The following ADAMTSL4 variants were observed in gnomAD, a reference collection of about 807,000 sequenced individuals.
ADAMTSL4 encodes the protein ADAMTS-like protein 4.
ADAMTSL4 carries 97 observed loss-of-function variants against 122.8 expected under a neutral mutation model. The observed-to-expected ratio is 0.79, with a 90% confidence interval of 0.67 to 0.93. ADAMTSL4 has a LOEUF of 0.93. Among genes scored for constraint, ADAMTSL4 ranks in the 40% least tolerant of loss-of-function variants. The pLI is 0.00. For missense variants in ADAMTSL4, 1,408 were observed against 1,453.5 expected (o/e 0.97, Z 0.51); for synonymous variants, 592 against 568.0 (o/e 1.04, Z -0.60).
chr1:150,554,647 C>T lies in ADAMTSL4; in HGVS notation c.1234+180C>T. On this transcript the variant is annotated intron_variant, in intron 7 of 18. Transcript: ENST00000271643. This position sits in a 1 kb window ranked among gnomAD's most constrained non-coding sequence, Gnocchi z 4.0. ...GACAGCACAGGTGGTGAGTGGTCTG[C>T]AGAAGGGTCGGGGTGGGAGGAGGAG... is the stretch of plus-strand genomic sequence containing the variant. 6.5e-7 allele frequency: 1 copy of T among 1,540,062 alleles called. No homozygotes were observed. Among genetic ancestry groups the T allele is most frequent in the East Asian group, 2.4e-5 (1 of 40,894 alleles).
intron 14 of ADAMTSL4, 99 bp from the exon 15 acceptor site, chr1:150,558,374 T>G (rs72700824): frequency 1.9e-5 from 30 of 1,578,894 alleles, no homozygotes; most frequent in Non-Finnish European, 2.6e-5. Flanking sequence ...ACTGCTGGGC[T>G]GGGGATCGAA....
At position 150,559,752 on chromosome 1, in the gene ADAMTSL4, T is replaced by C; in HGVS notation, c.2944-9T>C. On this transcript the variant is annotated splice_polypyrimidine_tract_variant and intron_variant, in intron 17 of 18. Transcript: ENST00000271643. The surrounding 1 kb of genome is among the most constrained non-coding windows in gnomAD (Gnocchi z 4.1). ...CAAAGGTCTGATATGATGGCTGGGGTCGCCCCAGTGTTCTCGCTCCTGCCA... is the reference window on the plus strand; with the variant it reads ...CAAAGGTCTGATATGATGGCTGGGGCCGCCCCAGTGTTCTCGCTCCTGCCA... The C allele has an allele frequency of 6.2e-7, 1 of 1,613,290 alleles. No homozygotes were observed. Among genetic ancestry groups the C allele is most frequent in the Non-Finnish European group, 8.5e-7 (1 of 1,179,876 alleles).
chr1:150,560,312 A>G lies in ADAMTSL4; in HGVS notation c.*116A>G. 6.8e-7 allele frequency: 1 copy of G among 1,476,892 alleles called. No homozygotes were observed. The highest frequency in any genetic ancestry group is 9.1e-7 in the Non-Finnish European group (1 of 1,096,242). The allele number at this position is 1,476,892 out of a possible 1,614,324, so 91.5% of individuals were successfully genotyped here. On this transcript the variant is annotated 3_prime_UTR_variant, in exon 19 of 19. Transcript: ENST00000271643. ...CCCAGTCTCAGCAGGGATGTCCTCCAGGTGACAGAGGGTGGCAAGGTGACT... is the reference window on the plus strand; with the variant it reads ...CCCAGTCTCAGCAGGGATGTCCTCCGGGTGACAGAGGGTGGCAAGGTGACT...
At chr1:150,550,531 A>C (rs1671298971) in intron 2 of ADAMTSL4, 1 of 363,876 alleles carries the variant, frequency 2.7e-6, no homozygotes, top group African/African-American at 2.1e-5. Flanking sequence ...GGCAGAGAGA[A>C]GCAGAGGCAG....
At chr1:150,555,814 C>T (rs1021025892) in intron 8 of ADAMTSL4, 3 of 628,810 alleles carry the variant, frequency 4.8e-6, no homozygotes. Context: ...TGAACACATG[C>T]ACACACACGT....
At chr1:150,550,166 G>T in intron 2 of ADAMTSL4, 1 of 454,034 alleles carries the variant, frequency 2.2e-6, no homozygotes, top group South Asian at 1.6e-5. Flanking sequence ...GCCAGGAGGA[G>T]CCCGCGTTTG....
chr1:150,553,664 T>TC lies in ADAMTSL4; in HGVS notation c.679dup (p.Gln227ProfsTer8), dbSNP rs768188442. On this transcript the variant is annotated frameshift_variant, in exon 6 of 19. Transcript: ENST00000271643. LOFTEE classifies it high-confidence loss of function. Reference sequence around the variant, plus strand: ...CACAGAACTGTCTGTCCACACCCCATCCCCCCAAGCAGAACCTCTAAGCCC... The same window carrying TC: ...CACAGAACTGTCTGTCCACACCCCATCCCCCCCAAGCAGAACCTCTAAGCCC... The TC allele has an allele frequency of 6.3e-7, 1 of 1,586,554 alleles. No individual in the cohort carries two copies. Among genetic ancestry groups the TC allele is most frequent in the Non-Finnish European group, 8.6e-7 (1 of 1,166,888 alleles).
Position 150,553,201 on chromosome 1 carries a change from C to A in ADAMTSL4, c.382C>A (p.Pro128Thr). ...SRGRGGPLRG[P>T]ASHLGREETQ... ...GGGAAGGGGTGGCCCACTTCGAGGT[C>A]CCGCTTCCCACCTAGGGAGAGAGGA... The change falls in exon 5 of 19, where the codon CCC (proline) becomes ACC (threonine). Residue 128 changes from proline to threonine, a missense_variant. By Grantham distance (38) the Pro-to-Thr change is conservative (BLOSUM62 -1). Coordinates refer to ENST00000271643, the MANE Select transcript of ADAMTSL4 (RefSeq NM_019032.6). 6.2e-7 allele frequency: 1 copy of A among 1,606,636 alleles called. No homozygotes were observed. The highest frequency in any genetic ancestry group is 8.5e-7 in the Non-Finnish European group (1 of 1,176,236).
Position 150,554,261 on chromosome 1 carries a change from A to G in ADAMTSL4, c.1132-104A>G, listed in dbSNP as rs1205154648. ...GACCACCTCAGGGCAGGGGTCTTGGAGCTCTTCCGCTGACCTGAGCCTCCC... is the reference window on the plus strand; with the variant it reads ...GACCACCTCAGGGCAGGGGTCTTGGGGCTCTTCCGCTGACCTGAGCCTCCC... On this transcript the variant is annotated intron_variant, in intron 6 of 18. Coordinates refer to ENST00000271643, the MANE Select transcript of ADAMTSL4 (RefSeq NM_019032.6). This position sits in a 1 kb window ranked among gnomAD's most constrained non-coding sequence, Gnocchi z 4.0. The G allele has an allele frequency of 6.9e-7, 1 of 1,441,530 alleles. No individual in the cohort carries two copies. Among genetic ancestry groups the G allele is most frequent in the African/African-American group, 1.4e-5 (1 of 71,298 alleles). The allele number at this position is 1,441,530 out of a possible 1,614,324, so 89.3% of individuals were successfully genotyped here.
In ADAMTSL4 at chr1:150,554,956, T is replaced by C. The variant is rs1187426128; in HGVS notation, c.1235-473T>C. On this transcript the variant is annotated intron_variant, in intron 7 of 18. Transcript: ENST00000271643. This position sits in a 1 kb window ranked among gnomAD's most constrained non-coding sequence, Gnocchi z 4.0. ...CTCCTCTCTCAGTTCAGAGTCCCCTTGATGGTCTCGGTGACCTCAACTGAC... is the reference window on the plus strand; with the variant it reads ...CTCCTCTCTCAGTTCAGAGTCCCCTCGATGGTCTCGGTGACCTCAACTGAC... Among the ~76,000 whole-genome samples, 1 of 151,356 alleles carries C rather than the reference T, an allele frequency of 6.6e-6. No homozygotes were observed. The highest frequency in any genetic ancestry group is 1.5e-5 in the Non-Finnish European group (1 of 67,890).
chr1:150,558,212 G>T, intron 14 of ADAMTSL4, 63 bp downstream of exon 14: 1 of 1,601,118 alleles, frequency 6.2e-7, no homozygotes, highest in Non-Finnish European at 8.5e-7. Context: ...CAACAGCAGT[G>T]GTTTTTCAAC....
Position 150,553,658 on chromosome 1 carries a change from A to T in ADAMTSL4, c.667A>T (p.Thr223Ser), listed in dbSNP as rs147803174. Residue 223 changes from threonine (T) to serine (S), a missense_variant, in exon 6 of 19, where the codon ACC becomes TCC. Coordinates refer to ENST00000271643, the MANE Select transcript of ADAMTSL4 (RefSeq NM_019032.6). Reference sequence around the variant, plus strand: ...CCCTCCCACAGAACTGTCTGTCCACACCCCATCCCCCCAAGCAGAACCTCT... The same window carrying T: ...CCCTCCCACAGAACTGTCTGTCCACTCCCCATCCCCCCAAGCAGAACCTCT... ...ELPPTELSVH[T>S]PSPQAEPLSP... 3.6e-4 allele frequency: 573 copies of T among 1,612,530 alleles called. No individual in the cohort carries two copies. The highest frequency in any genetic ancestry group is 4.4e-4 in the Non-Finnish European group (524 of 1,179,676).
rs768254527 is a variant in ADAMTSL4 at position 150,556,408 on chromosome 1, C to T, written c.1576+42C>T. Reference sequence around the variant, plus strand: ...CTCCCCTTCCACTTCCGTCTCTGTTCGGCCCTCCATACCCCTACTCAGAGC... The same window carrying T: ...CTCCCCTTCCACTTCCGTCTCTGTTTGGCCCTCCATACCCCTACTCAGAGC... On this transcript the variant is annotated intron_variant, in intron 9 of 18. Coordinates refer to ENST00000271643, the MANE Select transcript of ADAMTSL4 (RefSeq NM_019032.6). This position sits in a 1 kb window ranked among gnomAD's most constrained non-coding sequence, Gnocchi z 4.1. 23 of 1,610,492 alleles carry T rather than the reference C, an allele frequency of 1.4e-5. No individual in the cohort carries two copies. Among genetic ancestry groups the T allele is most frequent in the Middle Eastern group, 1.6e-4 (1 of 6,076 alleles).
Position 150,552,872 on chromosome 1 carries a change from T to C in ADAMTSL4, c.79-26T>C, listed in dbSNP as rs1671566923. Reference sequence around the variant, plus strand: ...GACAGTTCCCTCTAATCCTTCCAATTCTGTCTGACCTTTTTCTCTATATAG... The same window carrying C: ...GACAGTTCCCTCTAATCCTTCCAATCCTGTCTGACCTTTTTCTCTATATAG... On this transcript the variant is annotated intron_variant, in intron 4 of 18. Transcript: ENST00000271643. This position sits in a 1 kb window ranked among gnomAD's most constrained non-coding sequence, Gnocchi z 4.0. 6.2e-7 allele frequency: 1 copy of C among 1,605,274 alleles called. No individual in the cohort carries two copies. The highest frequency in any genetic ancestry group is 1.3e-5 in the African/African-American group (1 of 74,894).
intron 2 of ADAMTSL4, chr1:150,550,260 G>A (rs370125254): frequency 2.4e-5 from 11 of 456,400 alleles, no homozygotes; most frequent in African/African-American, 6.0e-5. Context: ...GACACCAAAT[G>A]AGGGACATGG....
rs772032770 is a variant in ADAMTSL4, at chr1:150,557,249, C to T, written c.1961C>T (p.Pro654Leu). The change falls in exon 12 of 19, where the codon CCG (proline) becomes CTG (leucine). Residue 654 changes from proline (P) to leucine (L), a missense_variant. Coordinates refer to ENST00000271643, the MANE Select transcript of ADAMTSL4 (RefSeq NM_019032.6). ...RQVRIPQMPAPPHPRTPLGSP... is the reference protein window; with the variant it reads ...RQVRIPQMPALPHPRTPLGSP... Reference sequence around the variant, plus strand: ...GTGCGGATCCCCCAGATGCCCGCCCCGCCCCATCCCAGGACACCCCTGGGG... The same window carrying T: ...GTGCGGATCCCCCAGATGCCCGCCCTGCCCCATCCCAGGACACCCCTGGGG... 1.2e-5 allele frequency: 19 copies of T among 1,611,320 alleles called. No homozygotes were observed. The highest frequency in any genetic ancestry group is 6.7e-5 in the African/African-American group (5 of 74,864).
intron 2 of ADAMTSL4, chr1:150,550,697 A>T: frequency 2.2e-6 from 1 of 454,916 alleles, no homozygotes; most frequent in South Asian, 1.6e-5. Flanking sequence ...TCCCCCGTTC[A>T]GTCAGGGTGG....
Position 150,553,533 on chromosome 1 carries a change from C to G in ADAMTSL4, c.542C>G (p.Ser181Cys). 6.2e-7 allele frequency: 1 copy of G among 1,613,964 alleles called. No homozygotes were observed. Among genetic ancestry groups the G allele is most frequent in the Non-Finnish European group, 8.5e-7 (1 of 1,179,966 alleles). ...NRRHPRSPPR[S>C]ELSLISSRGE... ...AGGCACCCTCGGAGCCCACCCAGATCTGAGCTGTCCCTGATCTCTTCTAGA... is the reference window on the plus strand; with the variant it reads ...AGGCACCCTCGGAGCCCACCCAGATGTGAGCTGTCCCTGATCTCTTCTAGA... Residue 181 changes from serine (S) to cysteine (C), a missense_variant, in exon 6 of 19, where the codon TCT becomes TGT. By Grantham distance (112) the Ser-to-Cys change is moderately radical. Transcript: ENST00000271643.
In ADAMTSL4 at chr1:150,554,001, C is replaced by T. The variant is rs367790205; in HGVS notation, c.1010C>T (p.Ala337Val). 5.0e-6 allele frequency: 8 copies of T among 1,611,758 alleles called. No homozygotes were observed. In the African/African-American group the frequency reaches 9.3e-5, roughly 19 times the overall value. ...GAGCCTGACCCTCAGCACCCGGGCG[C>T]CTGGCTGCCCCTGCTGAGCAACGGC... The part of the protein sequence containing the change: ...RLEPDPQHPG[A>V]WLPLLSNGPH... The change falls in exon 6 of 19, where the codon GCC becomes GTC. Residue 337 changes from alanine to valine, a missense_variant. By Grantham distance (64) the Ala-to-Val change is moderately conservative. Transcript: ENST00000271643. This position sits in a 1 kb window ranked among gnomAD's most constrained non-coding sequence, Gnocchi z 4.0.
Sources: gnomAD v4.1 joint callset for allele counts (sites outside exome capture counted in the v4.1 genomes callset) on GRCh38, gnomAD v4.1.1 for gene constraint, Gnocchi (gnomAD v3.1) non-coding constraint, MANE v1.5 for transcripts, NCBI Gene and HGNC (gene_info 2026-07-23, HGNC 2026-07-21) for gene names.